Variants in GPRC6A observed in about 807,000 individuals in gnomAD.
GPRC6A encodes the protein G protein-coupled receptor class C group 6 member A, also known as G protein-coupled receptor family C group 6 member A.
In GPRC6A, 54 loss-of-function variants were observed where a neutral mutation model predicts 47.0. The ratio of observed to expected loss-of-function variants is 1.15; its 90% confidence interval spans 0.92 to 1.44. The LOEUF is 1.44. GPRC6A is among the 40% of genes most tolerant of loss of function. GPRC6A has a pLI of 0.00. For synonymous variants in GPRC6A, 347 were observed against 377.1 expected (o/e 0.92, Z 0.93); for missense variants, 1,112 against 1,105.5 (o/e 1.01, Z -0.08).
chr6:116,811,699 A>G (rs1166626685), intron 1 of GPRC6A, among the ~76,000 whole-genome samples: 1 of 152,188 alleles, frequency 6.6e-6, no homozygotes, highest in African/African-American at 2.4e-5. Context: ...CAACTGAACA[A>G]TTCATTGAAT....
At chr6:116,824,055 C>A (rs1324245640) in intron 1 of GPRC6A, among the ~76,000 whole-genome samples, 1 of 151,832 alleles carries the variant, frequency 6.6e-6, no homozygotes, top group Non-Finnish European at 1.5e-5. Context: ...GACACAGATC[C>A]AAACCATATC....
intron 1 of GPRC6A, among the ~76,000 whole-genome samples, chr6:116,811,364 T>C (rs1036148171): frequency 6.6e-6 from 1 of 151,992 alleles, no homozygotes; most frequent in Non-Finnish European, 1.5e-5. Flanking sequence ...GATGTATATA[T>C]ATTAACATAA....
At chr6:116,824,691 C>G (rs964855609) in intron 1 of GPRC6A, among the ~76,000 whole-genome samples, 5 of 151,818 alleles carry the variant, frequency 3.3e-5, no homozygotes, top group Non-Finnish European at 5.9e-5. Flanking sequence ...TAATCTTCCT[C>G]AAACTACTCC....
intron 1 of GPRC6A, among the ~76,000 whole-genome samples, chr6:116,816,969 C>T (rs1202591236): frequency 3.9e-5 from 6 of 152,194 alleles, no homozygotes; most frequent in South Asian, 4.1e-4. Flanking sequence ...GAGGGGCGCC[C>T]GCCATTGCCC....
At chr6:116,811,414 T>A (rs1255470968) in intron 1 of GPRC6A, among the ~76,000 whole-genome samples, 5 of 152,016 alleles carry the variant, frequency 3.3e-5, no homozygotes, top group Non-Finnish European at 7.4e-5. Flanking sequence ...AATGACACTT[T>A]TAAAGGAAGA....
Position 116,800,651 on chromosome 6 carries a change from T to C in GPRC6A, c.1481A>G (p.Tyr494Cys). Reference protein sequence around the residue: ...GHMTVTKMAEYDLQNDVFIIP... With the variant: ...GHMTVTKMAECDLQNDVFIIP... ...GATGAAGACATCATTCTGTAGGTCA[T>C]ATTCTGCCATCTTAGTGACAGTCAT... The change falls in exon 4 of 6, where the codon TAT (tyrosine) becomes TGT (cysteine). Residue 494 changes from tyrosine (Y) to cysteine (C), a missense_variant. Tyr to Cys is a radical substitution (Grantham distance 194). Coordinates refer to ENST00000310357, the MANE Select transcript of GPRC6A (RefSeq NM_148963.4). 1.2e-6 allele frequency: 2 copies of C among 1,613,500 alleles called. No individual in the cohort carries two copies. The highest frequency in any genetic ancestry group is 1.7e-4 in the Middle Eastern group (1 of 6,060).
At position 116,806,428 on chromosome 6, in the gene GPRC6A, A is replaced by G. The variant is rs199602706; in HGVS notation, c.1277T>C (p.Ile426Thr). 68 of 1,613,436 alleles carry G rather than the reference A, an allele frequency of 4.2e-5. No homozygotes were observed. In the East Asian group the frequency reaches 5.6e-4, roughly 13 times the overall value. The change falls in exon 3 of 6, where the codon ATT (isoleucine) becomes ACT (threonine). Residue 426 changes from isoleucine (I) to threonine (T), a missense_variant. Transcript: ENST00000310357. The stretch of plus-strand genomic sequence containing the variant: ...GTCACGAGCTTGACACAGATCCCGA[A>G]TGGCATAACCAAGGGCAAACACTGC... ...QLAVFALGYA[I>T]RDLCQARDCQ...
At chr6:116,797,272 C>G (rs1445183233) in intron 4 of GPRC6A, among the ~76,000 whole-genome samples, 1 of 151,984 alleles carries the variant, frequency 6.6e-6, no homozygotes, top group East Asian at 1.9e-4. Context: ...TTTTCTTAAT[C>G]CAGTCTATCA....
chr6:116,820,311 C>T (rs1223524860), intron 1 of GPRC6A, among the ~76,000 whole-genome samples: 4 of 152,184 alleles, frequency 2.6e-5, no homozygotes, highest in African/African-American at 9.7e-5. Context: ...CCTTCTGAAA[C>T]TATTCCGATC....
At chr6:116,816,667 T>C (rs544959490) in intron 1 of GPRC6A, among the ~76,000 whole-genome samples, 3 of 152,034 alleles carry the variant, frequency 2.0e-5, no homozygotes, top group African/African-American at 4.8e-5. Context: ...TGGGCGCAGG[T>C]CAGTGGGTGC....
chr6:116,817,951 C>T (rs771682405), intron 1 of GPRC6A, among the ~76,000 whole-genome samples: 37 of 151,878 alleles, frequency 2.4e-4, no homozygotes, highest in Non-Finnish European at 5.2e-4. Flanking sequence ...AGTTGGAAAA[C>T]ACTCTGCAGG....
intron 4 of GPRC6A, among the ~76,000 whole-genome samples, chr6:116,797,632 C>A (rs1196765133): frequency 6.6e-6 from 1 of 152,180 alleles, no homozygotes; most frequent in Non-Finnish European, 1.5e-5. Context: ...CACATAATTA[C>A]CTGTCATTCT....
chr6:116,823,080 C>G (rs1773557648), intron 1 of GPRC6A, among the ~76,000 whole-genome samples: 1 of 151,942 alleles, frequency 6.6e-6, no homozygotes, highest in Admixed American at 6.6e-5. Flanking sequence ...ATTCCTCCCC[C>G]AGAAATTTTT....
chr6:116,821,099 C>G (rs1227243006), intron 1 of GPRC6A, among the ~76,000 whole-genome samples: 12 of 150,502 alleles, frequency 8.0e-5, no homozygotes, highest in African/African-American at 2.4e-4. Context: ...TGAGTGAACT[C>G]CCATTCACAA....
At chr6:116,818,637 C>G (rs1307448474) in intron 1 of GPRC6A, among the ~76,000 whole-genome samples, 8 of 133,914 alleles carry the variant, frequency 6.0e-5, no homozygotes, top group African/African-American at 2.2e-4. Flanking sequence ...AAATAAAATA[C>G]TTTACAGACA....
chr6:116,817,080 G>T (rs1366307016), intron 1 of GPRC6A, among the ~76,000 whole-genome samples: 1 of 152,206 alleles, frequency 6.6e-6, no homozygotes, highest in South Asian at 2.1e-4. Flanking sequence ...CACCTCTGGG[G>T]GCAGGGCACA....
rs376439794 is a variant in GPRC6A at position 116,806,356 on chromosome 6, G to A, written c.1335+14C>T. ...GATGGTAGAAGAGTTTTTCTTGGAT[G>A]TGTGAGTTAGTACCTCCCATGGTTG... On this transcript the variant is annotated intron_variant, in intron 3 of 5. Transcript: ENST00000310357. The A allele has an allele frequency of 2.0e-6, 3 of 1,515,064 alleles. No homozygotes were observed. Among genetic ancestry groups the A allele is most frequent in the Non-Finnish European group, 2.7e-6 (3 of 1,104,914 alleles). 93.9% of individuals were successfully genotyped at this position (1,515,064 alleles called of 1,614,324 possible).
At chr6:116,816,661 C>T (rs577918468) in intron 1 of GPRC6A, among the ~76,000 whole-genome samples, 9 of 151,904 alleles carry the variant, frequency 5.9e-5, no homozygotes, top group Middle Eastern at 3.4e-3. Flanking sequence ...AGACAGTGGG[C>T]GCAGGTCAGT....
At chr6:116,797,736 CA>C (rs2114581564) in intron 4 of GPRC6A, among the ~76,000 whole-genome samples, 1 of 152,272 alleles carries the variant, frequency 6.6e-6, no homozygotes, top group South Asian at 2.1e-4. Context: ...ACCATCTCTG[CA>C]TTCAAAAAGG....
Sources: gnomAD v4.1 joint callset for allele counts (sites outside exome capture counted in the v4.1 genomes callset) on GRCh38, gnomAD v4.1.1 for gene constraint, MANE v1.5 for transcripts, NCBI Gene and HGNC (gene_info 2026-07-23, HGNC 2026-07-21) for gene names.